Variants in RAB11FIP4 observed in about 807,000 individuals in gnomAD.
RAB11FIP4 encodes the protein RAB11 family interacting protein 4, also known as rab11 family-interacting protein 4.
A neutral mutation model predicts 74.3 loss-of-function variants in RAB11FIP4; 23 were observed. The ratio of observed to expected loss-of-function variants is 0.31; its 90% confidence interval spans 0.22 to 0.44. The LOEUF is 0.44. RAB11FIP4 is among the 20% of genes least tolerant of loss of function. The pLI is 1.00. For missense variants in RAB11FIP4, 630 were observed against 863.9 expected, an observed-to-expected ratio of 0.73 and a Z score of 3.39; for synonymous variants, 360 against 359.9, an observed-to-expected ratio of 1.00 and a Z score of 0.00.
chr17:31,409,429 T>C (rs1158231459), intron 1 of RAB11FIP4, among the ~76,000 whole-genome samples: 1 of 152,022 alleles, frequency 6.6e-6, no homozygotes, highest in Non-Finnish European at 1.5e-5. Context: ...AATGGATGAG[T>C]CTCCACTTGG....
At chr17:31,395,706 G>A (rs926580868) in intron 1 of RAB11FIP4, among the ~76,000 whole-genome samples, 14 of 152,176 alleles carry the variant, frequency 9.2e-5, no homozygotes, top group African/African-American at 3.1e-4. Context: ...TGGAGACTAA[G>A]GAGGCAGCTG....
At chr17:31,445,987 AG>A (rs1379191361) in intron 3 of RAB11FIP4, among the ~76,000 whole-genome samples, 1 of 151,776 alleles carries the variant, frequency 6.6e-6, no homozygotes, top group Admixed American at 6.6e-5. Context: ...CCTTTAATCT[AG>A]AAGAGTTCCT....
At chr17:31,501,902 T>C (rs2072228989) in intron 3 of RAB11FIP4, 1 of 154,668 alleles carries the variant, frequency 6.5e-6, no homozygotes, top group Non-Finnish European at 1.5e-5. Context: ...TGGATCACTT[T>C]GCACCATCAT....
At position 31,528,522 on chromosome 17, in the gene RAB11FIP4, G is replaced by T. The variant is rs145762499; in HGVS notation, c.1473G>T (p.Lys491Asn). The T allele has an allele frequency of 1.9e-4, 306 of 1,613,764 alleles. No homozygotes were observed. The highest frequency in any genetic ancestry group is 2.4e-4 in the Non-Finnish European group (289 of 1,180,056). The change falls in exon 12 of 15, where the codon AAG becomes AAT. Residue 491 changes from lysine to asparagine, a missense_variant. Transcript: ENST00000621161. ...KLRQNRLEFQKEREATQELIE... is the reference protein window; with the variant it reads ...KLRQNRLEFQNEREATQELIE... The stretch of plus-strand genomic sequence containing the variant: ...GACAGAACCGCCTTGAGTTCCAGAA[G>T]GAGCGGGAGGCGACGCAGGAGGTAG...
chr17:31,430,912 G>T (rs1433610107), intron 1 of RAB11FIP4, among the ~76,000 whole-genome samples: 2 of 152,104 alleles, frequency 1.3e-5, no homozygotes, highest in Non-Finnish European at 2.9e-5. Flanking sequence ...AGGGAGGGAG[G>T]ACGGGGTCAG....
chr17:31,443,583 C>T (rs1337031596), intron 3 of RAB11FIP4, among the ~76,000 whole-genome samples: 2 of 151,982 alleles, frequency 1.3e-5, no homozygotes, highest in East Asian at 3.9e-4. Context: ...TCTTGCTAGG[C>T]TATGCTTACG....
At chr17:31,436,621 A>T (rs1479071244) in intron 3 of RAB11FIP4, among the ~76,000 whole-genome samples, 1 of 152,162 alleles carries the variant, frequency 6.6e-6, no homozygotes, top group Non-Finnish European at 1.5e-5. Context: ...GCTTTCCTCC[A>T]AAGTCTAGAG....
At position 31,484,071 on chromosome 17, in the gene RAB11FIP4, C is replaced by CTTT. The variant is rs530656307; in HGVS notation, c.337-33563_337-33561dup. Among the ~76,000 whole-genome samples, 35 of 115,822 alleles carry CTTT rather than the reference C, an allele frequency of 3.0e-4. 1 individual carries two copies. The highest frequency in any genetic ancestry group is 3.7e-4 in the African/African-American group (11 of 29,942). The allele number at this position is 115,822 out of a possible 152,430, so 76.0% of individuals were successfully genotyped here. On this transcript the variant is annotated intron_variant, in intron 3 of 14. Transcript: ENST00000621161. The stretch of plus-strand genomic sequence containing the variant: ...CCTAGGCAACAGAGCAAGATCTTAT[C>CTTT]TTTTTTTTTTTTTTTTTTTGAGACA...
chr17:31,488,082 C>CGGGCGG (rs1476456125), intron 3 of RAB11FIP4: 4 of 1,014,914 alleles, frequency 3.9e-6, no homozygotes, highest in Admixed American at 5.9e-5. Context: ...CTCCCGGCAA[C>CGGGCGG]GGGCGGGGGC....
At chr17:31,488,326 G>A in intron 3 of RAB11FIP4, 1 of 1,141,244 alleles carries the variant, frequency 8.8e-7, no homozygotes. Context: ...CGCGCACCTG[G>A]CTCGGCCCGG....
chr17:31,439,060 T>C (rs911874085), intron 3 of RAB11FIP4, among the ~76,000 whole-genome samples: 4 of 152,148 alleles, frequency 2.6e-5, no homozygotes. Flanking sequence ...CCCTTCACCC[T>C]CTACCACTGC....
Position 31,445,529 on chromosome 17 carries a change from ATTTTATATATATATAT to A in RAB11FIP4, c.336+11408_336+11423del, listed in dbSNP as rs1359867941. ...TAAAATCTACATTCAAATTTTCCCA[ATTTTATATATATATAT>A]ATATATATATATATATATATATATA... On this transcript the variant is annotated intron_variant, in intron 3 of 14. Transcript: ENST00000621161. 2.2e-4 allele frequency among the ~76,000 whole-genome samples: 20 copies of A among 90,732 alleles called. 1 individual carries two copies. The highest frequency in any genetic ancestry group is 4.0e-4 in the Non-Finnish European group (19 of 47,962). 59.5% of individuals were successfully genotyped at this position (90,732 alleles called of 152,430 possible).
intron 3 of RAB11FIP4, among the ~76,000 whole-genome samples, chr17:31,508,441 C>T (rs1038469690): frequency 2.6e-5 from 4 of 152,240 alleles, no homozygotes; most frequent in African/African-American, 9.6e-5. Context: ...GCCCTTCTCT[C>T]CTGTCTGTCA....
At chr17:31,520,442 G>A (rs1349219095) in intron 4 of RAB11FIP4, among the ~76,000 whole-genome samples, 1 of 152,074 alleles carries the variant, frequency 6.6e-6, no homozygotes, top group East Asian at 1.9e-4. Context: ...GTTTATTAAG[G>A]AAATAATAAA....
intron 1 of RAB11FIP4, among the ~76,000 whole-genome samples, chr17:31,428,185 C>T (rs1484557122): frequency 6.6e-6 from 1 of 152,218 alleles, no homozygotes; most frequent in East Asian, 1.9e-4. Flanking sequence ...CCACTGCTCA[C>T]CTTCCAAAGC....
chr17:31,517,191 C>CCGG (rs1249044714), intron 3 of RAB11FIP4, among the ~76,000 whole-genome samples: 40 of 42,776 alleles, frequency 9.4e-4, no homozygotes, highest in Non-Finnish European at 1.9e-3. Flanking sequence ...GGAGGCGGTG[C>CCGG]GGGGGGGGGG....
intron 3 of RAB11FIP4, among the ~76,000 whole-genome samples, chr17:31,456,221 C>T (rs1047076585): frequency 7.9e-5 from 12 of 152,108 alleles, no homozygotes; most frequent in African/African-American, 2.9e-4. Context: ...CTCTTTGATC[C>T]AATATATTCT....
intron 3 of RAB11FIP4, among the ~76,000 whole-genome samples, chr17:31,493,752 T>C (rs1226593595): frequency 6.6e-6 from 1 of 152,114 alleles, no homozygotes; most frequent in East Asian, 1.9e-4. Flanking sequence ...CTCACCCTTC[T>C]GATTTCACTT....
intron 3 of RAB11FIP4, among the ~76,000 whole-genome samples, chr17:31,462,696 G>A (rs913338626): frequency 1.3e-5 from 2 of 152,124 alleles, no homozygotes; most frequent in Middle Eastern, 3.2e-3. Context: ...GAGTGCAGTG[G>A]TGTGATTTTG....
Sources: allele counts gnomAD v4.1 joint callset (sites outside exome capture counted in the v4.1 genomes callset), GRCh38; gene constraint gnomAD v4.1.1; transcripts MANE v1.5; gene names NCBI Gene and HGNC (gene_info 2026-07-23, HGNC 2026-07-21).